SLC4A5: variants seen among roughly 807,000 people sequenced by gnomAD.
SLC4A5 encodes the protein solute carrier family 4 member 5.
Under a neutral mutation model 120.4 loss-of-function variants are expected in SLC4A5, and 96 were observed. The ratio of observed to expected loss-of-function variants is 0.80; its 90% CI spans 0.68 to 0.94. SLC4A5 has a LOEUF of 0.94. Among genes scored for constraint, SLC4A5 ranks in the 40% least tolerant of loss-of-function variants. SLC4A5 has a pLI of 0.00. For synonymous variants in SLC4A5, 550 were observed against 571.1 expected, an observed-to-expected ratio of 0.96 and a Z score of 0.53; for missense variants, 1,259 against 1,459.5, an observed-to-expected ratio of 0.86 and a Z score of 2.24.
chr2:74,252,945 CTCTCCCTACTGCCCAT>C lies in SLC4A5; in HGVS notation c.1268+13_1268+28del. Reference sequence around the variant, plus strand: ...CCGACAGAGTTGAAGCCTCCTTTTTCTCTCCCTACTGCCCATTCTCATACACACCTCTTGTCAGCAG... The same window carrying C: ...CCGACAGAGTTGAAGCCTCCTTTTTCTCTCATACACACCTCTTGTCAGCAG... On this transcript the variant is annotated intron_variant, in intron 15 of 30. Coordinates refer to ENST00000394019, the Ensembl canonical transcript of SLC4A5. 6.2e-7 allele frequency: 1 copy of C among 1,611,602 alleles called. No individual in the cohort carries two copies. The highest frequency in any genetic ancestry group is 2.2e-5 in the East Asian group (1 of 44,874).
At chr2:74,262,711 AAG>A (rs1671181269) in intron 10 of SLC4A5, among the ~76,000 whole-genome samples, 1 of 152,024 alleles carries the variant, frequency 6.6e-6, no homozygotes, top group South Asian at 2.1e-4. Flanking sequence ...AAAAAAAAAA[AAG>A]AACAAGATTA....
chr2:74,272,160 G>C (rs980465257), intron 8 of SLC4A5, among the ~76,000 whole-genome samples: 1 of 152,194 alleles, frequency 6.6e-6, no homozygotes, highest in Non-Finnish European at 1.5e-5. Flanking sequence ...TGGGATTTGT[G>C]TCAACCTGAC....
chr2:74,327,625 G>C (rs1673248275), intron 5 of SLC4A5, among the ~76,000 whole-genome samples: 1 of 152,200 alleles, frequency 6.6e-6, no homozygotes, highest in Non-Finnish European at 1.5e-5. Flanking sequence ...AATGAAAGGA[G>C]ACTAGCCATT....
At chr2:74,249,687 T>C (rs1254989767) in intron 17 of SLC4A5, among the ~76,000 whole-genome samples, 1 of 152,030 alleles carries the variant, frequency 6.6e-6, no homozygotes, top group Non-Finnish European at 1.5e-5. Context: ...GGAGGGAAGA[T>C]AAGGGACGCA....
At chr2:74,303,583 T>G (rs1253187563) in intron 7 of SLC4A5, among the ~76,000 whole-genome samples, 1 of 152,194 alleles carries the variant, frequency 6.6e-6, no homozygotes, top group African/African-American at 2.4e-5. Flanking sequence ...CTCTTAAGAT[T>G]GATCATTTTC....
chr2:74,253,599 A>G (rs1358633352), intron 14 of SLC4A5, among the ~76,000 whole-genome samples: 2 of 151,950 alleles, frequency 1.3e-5, no homozygotes, highest in African/African-American at 2.4e-5. Flanking sequence ...ACCCTTTCCC[A>G]TTTAGGCAAA....
intron 5 of SLC4A5, 52 bp downstream of exon 5, chr2:74,328,068 T>C (rs1673260850): frequency 1.1e-6 from 1 of 936,028 alleles, no homozygotes; most frequent in Non-Finnish European, 1.3e-6. Flanking sequence ...ACATTTTCCC[T>C]TATCTGCATA....
chr2:74,262,228 G>A lies in SLC4A5; in HGVS notation c.720C>T (p.Arg240=), dbSNP rs144733207. Residue 240 remains arginine, a synonymous_variant, in exon 11 of 31, where the codon CGC becomes CGT. Transcript: ENST00000394019. The stretch of plus-strand genomic sequence containing the variant: ...CAGCACCAGGGCTCCGGGCAGGACT[G>A]CGATCTGGGAGGAGAATCAGAAGGG... 1.2e-4 allele frequency: 195 copies of A among 1,613,708 alleles called. 1 individual carries two copies. In the African/African-American group the frequency reaches 2.2e-3, roughly 18 times the overall value.
Position 74,224,849 on chromosome 2 carries a change from A to G in SLC4A5, c.3237T>C (p.Cys1079=), listed in dbSNP as rs751614394. ...CTCACATCTTCCCCACCTCCTCATC[A>G]CAGTCCTCGTGGGCCCCTTTTTTTC... Residue 1079 remains cysteine (C), a synonymous_variant, in exon 28 of 31, where the codon TGT becomes TGC. Transcript: ENST00000394019. The G allele has an allele frequency of 1.9e-6, 3 of 1,610,428 alleles. No individual in the cohort carries two copies. The East Asian group carries it at 6.7e-5, about 36-fold the overall frequency.
chr2:74,290,073 T>C (rs540204032), intron 7 of SLC4A5, among the ~76,000 whole-genome samples: 17 of 151,974 alleles, frequency 1.1e-4, no homozygotes, highest in Non-Finnish European at 1.9e-4. Flanking sequence ...GCAGACCACA[T>C]CCCTGAAGAG....
At chr2:74,273,297 T>G (rs1213782661) in intron 8 of SLC4A5, among the ~76,000 whole-genome samples, 1 of 152,250 alleles carries the variant, frequency 6.6e-6, no homozygotes, top group African/African-American at 2.4e-5. Context: ...TTAGTTTGTT[T>G]GCAAAATCCC....
chr2:74,327,186 G>C (rs1047899416), intron 5 of SLC4A5, among the ~76,000 whole-genome samples: 11 of 152,184 alleles, frequency 7.2e-5, no homozygotes, highest in Non-Finnish European at 1.5e-4. Context: ...GGGAAAAAAG[G>C]TAACTAGTAA....
intron 12 of SLC4A5, among the ~76,000 whole-genome samples, chr2:74,257,233 T>C (rs890294090): frequency 2.0e-5 from 3 of 150,010 alleles, no homozygotes; most frequent in Admixed American, 6.6e-5. Flanking sequence ...TATAATCGTT[T>C]AAATCCAATC....
intron 6 of SLC4A5, among the ~76,000 whole-genome samples, chr2:74,312,960 A>C (rs954895447): frequency 6.6e-6 from 1 of 151,624 alleles, no homozygotes; most frequent in Non-Finnish European, 1.5e-5. Context: ...GATTATTGAG[A>C]TCAGTGAATT....
At chr2:74,261,448 C>G (rs1220955889) in intron 11 of SLC4A5, among the ~76,000 whole-genome samples, 1 of 152,244 alleles carries the variant, frequency 6.6e-6, no homozygotes, top group Non-Finnish European at 1.5e-5. Context: ...TGGGCCTGGA[C>G]AGGGGTACAG....
rs934372899 is a variant in SLC4A5 at position 74,307,125 on chromosome 2, TTCATGAGCA to T, written c.80-2454_80-2446del. The T allele has an allele frequency of 1.1e-5, 6 of 551,696 alleles. No individual in the cohort carries two copies. In the Admixed American group the frequency reaches 1.2e-4, roughly 11 times the overall value. The allele number at this position is 551,696 out of a possible 1,614,324, so 34.2% of individuals were successfully genotyped here. A position where few individuals can be genotyped will look rare whatever the true frequency, so the allele number is the denominator to read the frequency against. On this transcript the variant is annotated intron_variant, in intron 6 of 30. Coordinates refer to ENST00000394019, the Ensembl canonical transcript of SLC4A5. ...CAAGGACTGGACTGTACGTCTCAGT[TTCATGAGCA>T]TCATCTCAGCAGCTCCAACCTTGGC...
At chr2:74,324,226 A>C (rs1034903812) in intron 5 of SLC4A5, among the ~76,000 whole-genome samples, 1 of 152,188 alleles carries the variant, frequency 6.6e-6, no homozygotes, top group African/African-American at 2.4e-5. Flanking sequence ...GTGGTTCTCA[A>C]ACTTGAGCGT....
At position 74,303,851 on chromosome 2, in the gene SLC4A5, ATT is replaced by A. The variant is rs11287779; in HGVS notation, c.271+636_271+637del. 1.3e-3 allele frequency among the ~76,000 whole-genome samples: 185 copies of A among 143,530 alleles called. 1 individual carries two copies. The highest frequency in any genetic ancestry group is 3.6e-3 in the African/African-American group (141 of 39,150). 94.2% of individuals were successfully genotyped at this position (143,530 alleles called of 152,430 possible). A position where few individuals can be genotyped will look rare whatever the true frequency, so the allele number is the denominator to read the frequency against. On this transcript the variant is annotated intron_variant, in intron 7 of 30. Transcript: ENST00000394019. ...CAAAACAAGCATGTCCATTATTATT[ATT>A]TTTTTTTTTTTTTTGAGACGGAGTC...
At chr2:74,235,211 G>T (rs1210760941) in exon 22 of SLC4A5, 2 of 1,613,176 alleles carry the variant, frequency 1.2e-6, no homozygotes, top group South Asian at 1.1e-5. Flanking sequence ...ACCAGGGCCC[G>T]GACCTGCAGA....
Sources: gnomAD v4.1 joint callset for allele counts (sites outside exome capture counted in the v4.1 genomes callset) on GRCh38, gnomAD v4.1.1 for gene constraint, MANE v1.5 for transcripts, NCBI Gene and HGNC (gene_info 2026-07-23, HGNC 2026-07-21) for gene names.